FCRL6: variants seen among roughly 807,000 people sequenced by gnomAD.
The protein encoded by FCRL6 is Fc receptor-like protein 6.
Under a neutral mutation model 49.1 loss-of-function variants are expected in FCRL6, and 50 were observed. That is an observed-to-expected ratio of 1.02 (90% CI 0.81 to 1.29). The LOEUF is 1.29. FCRL6 is among the 50% of genes most tolerant of loss of function. The probability of loss-of-function intolerance (pLI) is 0.00; values close to 1 mark genes in which losing one functional copy is unlikely to be tolerated. For missense variants in FCRL6, 571 were observed against 518.5 expected (o/e 1.10, Z -0.98); for synonymous variants, 213 against 199.6 (o/e 1.07, Z -0.57).
At chr1:159,806,986 C>A (rs1183028700) in intron 2 of FCRL6, among the ~76,000 whole-genome samples, 2 of 152,132 alleles carry the variant, frequency 1.3e-5, no homozygotes, top group South Asian at 2.1e-4. Flanking sequence ...CAGCAGGCAC[C>A]TTTTTCTGCT....
chr1:159,810,685 A>T (rs558814556), intron 6 of FCRL6, among the ~76,000 whole-genome samples: 2 of 152,290 alleles, frequency 1.3e-5, no homozygotes, highest in South Asian at 4.1e-4. Context: ...AGGCTCACTC[A>T]CACACACTCA....
rs544992174 is a variant in FCRL6 at position 159,808,541 on chromosome 1, G to T, written c.319+97G>T. 2.2e-4 allele frequency: 318 copies of T among 1,469,994 alleles called. 1 individual carries two copies. Among genetic ancestry groups the T allele is most frequent in the Non-Finnish European group, 2.8e-4 (299 of 1,060,296 alleles). 91.1% of individuals were successfully genotyped at this position (1,469,994 alleles called of 1,614,324 possible). Reference sequence around the variant, plus strand: ...CTCTCTGGGCTGGACCCCTGTCTCTGGCTGCCCCTCATGCTGGGCCAATGT... The same window carrying T: ...CTCTCTGGGCTGGACCCCTGTCTCTTGCTGCCCCTCATGCTGGGCCAATGT... On this transcript the variant is annotated intron_variant, in intron 3 of 9. Coordinates refer to ENST00000368106, the MANE Select transcript of FCRL6 (RefSeq NM_001004310.3).
At chr1:159,803,734 G>A (rs1252750134) in intron 1 of FCRL6, among the ~76,000 whole-genome samples, 3 of 152,222 alleles carry the variant, frequency 2.0e-5, no homozygotes, top group Non-Finnish European at 4.4e-5. Context: ...AATGAGGAGA[G>A]GAAGGGAATC....
Position 159,808,361 on chromosome 1 carries a change from G to A in FCRL6, c.236G>A (p.Gly79Asp). Residue 79 changes from glycine to aspartate, a missense_variant, in exon 3 of 10, where the codon GGC becomes GAC. Transcript: ENST00000368106. ...GGAGCAGCAACAGTGCAGAGCCGTG[G>A]CCAGTACAGCTGCTCTGGGCAGGTG... Reference protein sequence around the residue: ...SMGAATVQSRGQYSCSGQVMY... With the variant: ...SMGAATVQSRDQYSCSGQVMY... 1 of 1,614,126 alleles carries A rather than the reference G, an allele frequency of 6.2e-7. No homozygotes were observed. Among genetic ancestry groups the A allele is most frequent in the Non-Finnish European group, 8.5e-7 (1 of 1,180,010 alleles).
chr1:159,809,472 G>A lies in FCRL6; in HGVS notation c.675G>A (p.Gln225=). The change falls in exon 5 of 10, where the codon CAG becomes CAA. Residue 225 remains glutamine, a synonymous_variant. Coordinates refer to ENST00000368106, the MANE Select transcript of FCRL6 (RefSeq NM_001004310.3). ...ACCCTGCTGTGGGGGACATGGTGCA[G>A]CTCCTCTGTGAGGCACAGAGGGGCT... ...PADPAVGDMV[Q]LLCEAQRGSP... 1.9e-6 allele frequency: 3 copies of A among 1,614,078 alleles called. No individual in the cohort carries two copies. The highest frequency in any genetic ancestry group is 1.7e-5 in the Admixed American group (1 of 60,018).
chr1:159,805,658 T>G (rs183167288), intron 1 of FCRL6, among the ~76,000 whole-genome samples: 60 of 152,344 alleles, frequency 3.9e-4, no homozygotes, highest in South Asian at 1.0e-3. Flanking sequence ...TTTAAAAACA[T>G]GAATGTAGCA....
At position 159,809,250 on chromosome 1, in the gene FCRL6, G is replaced by A. The variant is rs367686072; in HGVS notation, c.604+5G>A. The A allele has an allele frequency of 3.5e-5, 54 of 1,544,020 alleles. No homozygotes were observed. The African/African-American group carries it at 7.1e-4, about 20-fold the overall frequency. On this transcript the variant is annotated splice_donor_5th_base_variant and intron_variant, in intron 4 of 9. Coordinates refer to ENST00000368106, the MANE Select transcript of FCRL6 (RefSeq NM_001004310.3). The stretch of plus-strand genomic sequence containing the variant: ...AGCTGGAGGTCAGAGTGCAGGGTAA[G>A]TGCGCGAGAGAGTGGAGATGCCCCC...
In FCRL6 at chr1:159,809,011, G is replaced by A; in HGVS notation, c.370G>A (p.Glu124Lys). ...TGCCATCCCCTCTCCTGAGCCCCGA[G>A]AGGGTAGCCTGGTGACCCTGAGATG... Reference protein sequence around the residue: ...LSAIPSPEPREGSLVTLRCQT... With the variant: ...LSAIPSPEPRKGSLVTLRCQT... Residue 124 changes from glutamate (E) to lysine (K), a missense_variant, in exon 4 of 10, where the codon GAG (glutamate) becomes AAG (lysine). Glu to Lys is a moderately conservative substitution (Grantham distance 56). Coordinates refer to ENST00000368106, the MANE Select transcript of FCRL6 (RefSeq NM_001004310.3). 1 of 1,613,904 alleles carries A rather than the reference G, an allele frequency of 6.2e-7. No individual in the cohort carries two copies. Among genetic ancestry groups the A allele is most frequent in the Non-Finnish European group, 8.5e-7 (1 of 1,179,932 alleles).
chr1:159,804,751 C>G (rs1293514187), intron 1 of FCRL6, among the ~76,000 whole-genome samples: 1 of 152,196 alleles, frequency 6.6e-6, no homozygotes, highest in African/African-American at 2.4e-5. Context: ...TGAGTGCCTT[C>G]TGTCTTGTTT....
intron 7 of FCRL6, 89 bp from the exon 8 acceptor site, chr1:159,814,132 G>A (rs1663247086): frequency 8.1e-7 from 1 of 1,227,250 alleles, no homozygotes; most frequent in South Asian, 1.3e-5. Flanking sequence ...CAGAGCCCCT[G>A]ATGGGCTTCT....
chr1:159,816,223 A>G lies in FCRL6; in HGVS notation c.*562A>G, dbSNP rs1330259159. The G allele has an allele frequency of 6.5e-6, 1 of 152,900 alleles. No homozygotes were observed. The highest frequency in any genetic ancestry group is 1.5e-5 in the Non-Finnish European group (1 of 68,520). 9.5% of individuals were successfully genotyped at this position (152,900 alleles called of 1,614,324 possible). ...TTATGTACAGTACACTATACTTGATAATGATAATAAACAACTATGTTACTG... is the reference window on the plus strand; with the variant it reads ...TTATGTACAGTACACTATACTTGATGATGATAATAAACAACTATGTTACTG... On this transcript the variant is annotated 3_prime_UTR_variant, in exon 10 of 10. Transcript: ENST00000368106.
At chr1:159,806,318 C>A (rs904214944) in intron 1 of FCRL6, among the ~76,000 whole-genome samples, 6 of 152,148 alleles carry the variant, frequency 3.9e-5, no homozygotes, top group Admixed American at 1.3e-4. Context: ...GTACGTCCAG[C>A]ACAAACGTTG....
At chr1:159,805,211 T>A (rs1662600208) in intron 1 of FCRL6, among the ~76,000 whole-genome samples, 1 of 152,180 alleles carries the variant, frequency 6.6e-6, no homozygotes, top group Non-Finnish European at 1.5e-5. Context: ...TGAGAGCATA[T>A]GACTGAGCTG....
intron 5 of FCRL6, 93 bp from the exon 6 acceptor site, chr1:159,810,001 T>C: frequency 6.8e-7 from 1 of 1,460,176 alleles, no homozygotes; most frequent in Non-Finnish European, 9.3e-7. Flanking sequence ...GTTCCCCTAA[T>C]ATCAGTCATT....
At chr1:159,815,310 C>T in intron 8 of FCRL6, 118 bp from the exon 9 acceptor site, 1 of 1,042,498 alleles carries the variant, frequency 9.6e-7, no homozygotes, top group Non-Finnish European at 1.4e-6. Flanking sequence ...TGAAAGGAAT[C>T]TCCCCTGGCT....
chr1:159,802,088 C>A (rs546320011), upstream of FCRL6, among the ~76,000 whole-genome samples: 1 of 152,276 alleles, frequency 6.6e-6, no homozygotes, highest in Admixed American at 6.5e-5. Context: ...CTGGACCTTT[C>A]TAATGGAGGT....
chr1:159,813,618 T>A, intron 7 of FCRL6, 64 bp downstream of exon 7: 1 of 1,418,098 alleles, frequency 7.1e-7, no homozygotes. Context: ...TTAAGGGAAG[T>A]AAGAAGGGAG....
chr1:159,807,555 G>C (rs756450705), intron 2 of FCRL6, among the ~76,000 whole-genome samples: 1 of 152,184 alleles, frequency 6.6e-6, no homozygotes, highest in Non-Finnish European at 1.5e-5. Context: ...CCATAAGAGT[G>C]GTGGAAGATG....
At chr1:159,814,100 T>C in intron 7 of FCRL6, 121 bp from the exon 8 acceptor site, 1 of 876,088 alleles carries the variant, frequency 1.1e-6, no homozygotes, top group Non-Finnish European at 1.8e-6. Context: ...TGACCAACCC[T>C]CATTGCCACT....
Sources: gnomAD v4.1 joint callset for allele counts (sites outside exome capture counted in the v4.1 genomes callset) on GRCh38, gnomAD v4.1.1 for gene constraint, MANE v1.5 for transcripts, NCBI Gene and HGNC (gene_info 2026-07-23, HGNC 2026-07-21) for gene names.